SMOC2: variants seen among roughly 807,000 people sequenced by gnomAD.
SMOC2 encodes the protein SPARC related modular calcium binding 2.
A neutral mutation model predicts 61.4 loss-of-function variants in SMOC2; 39 were observed. The ratio of observed to expected loss-of-function variants is 0.64; its 90% CI spans 0.49 to 0.83. The LOEUF is 0.83. SMOC2 is among the 40% of genes least tolerant of loss of function. The probability of loss-of-function intolerance (pLI) is 0.00; values close to 1 mark genes in which losing one functional copy is unlikely to be tolerated. For missense variants in SMOC2, 556 were observed against 592.9 expected (o/e 0.94, Z 0.65); for synonymous variants, 247 against 239.9 (o/e 1.03, Z -0.27).
intron 11 of SMOC2, among the ~76,000 whole-genome samples, chr6:168,656,260 C>T (rs546498394): frequency 1.3e-5 from 2 of 152,182 alleles, no homozygotes; most frequent in East Asian, 1.9e-4. Context: ...CCTGTAATCC[C>T]AGCACTTTGG....
At chr6:168,514,784 C>T (rs1032492964) in intron 2 of SMOC2, among the ~76,000 whole-genome samples, 4 of 152,182 alleles carry the variant, frequency 2.6e-5, no homozygotes, top group South Asian at 2.1e-4. Context: ...TAACTCCAGT[C>T]GGATGTGCCA....
At position 168,583,991 on chromosome 6, in the gene SMOC2, T is replaced by C. The variant is rs148216554; in HGVS notation, c.638-14827T>C. On this transcript the variant is annotated intron_variant, in intron 7 of 12. Transcript: ENST00000356284. ...TTCCAGGCTGTGGTTGCAACAGTAATTGGGACTTGGCAGAGGCCATCGGAG... is the reference window on the plus strand; with the variant it reads ...TTCCAGGCTGTGGTTGCAACAGTAACTGGGACTTGGCAGAGGCCATCGGAG... 1.9e-3 allele frequency among the ~76,000 whole-genome samples: 288 copies of C among 152,256 alleles called. 4 individuals are homozygous for C. Among genetic ancestry groups the C allele is most frequent in the African/African-American group, 6.5e-3 (270 of 41,552 alleles).
At chr6:168,514,712 G>A (rs1432383587) in intron 2 of SMOC2, among the ~76,000 whole-genome samples, 1 of 152,138 alleles carries the variant, frequency 6.6e-6, no homozygotes, top group Non-Finnish European at 1.5e-5. Flanking sequence ...GAAGTGGGGA[G>A]GTCACAGCAC....
intron 9 of SMOC2, among the ~76,000 whole-genome samples, chr6:168,615,879 G>C (rs1343035091): frequency 6.8e-6 from 1 of 146,140 alleles, no homozygotes; most frequent in East Asian, 2.0e-4. Context: ...CACGATTTTA[G>C]CACTATTCTA....
At chr6:168,664,266 T>TG in intron 12 of SMOC2, 155 bp downstream of exon 12, 1 of 705,548 alleles carries the variant, frequency 1.4e-6, no homozygotes, top group Non-Finnish European at 2.5e-6. Context: ...CTACACCCTA[T>TG]GGGGACTAAA....
chr6:168,508,797 A>G (rs567449931), intron 1 of SMOC2, among the ~76,000 whole-genome samples: 2 of 152,336 alleles, frequency 1.3e-5, no homozygotes, highest in South Asian at 4.1e-4. Context: ...CGTGCACACC[A>G]CGTCCAGAGG....
intron 1 of SMOC2, among the ~76,000 whole-genome samples, chr6:168,450,673 C>G (rs1000172262): frequency 2.0e-5 from 3 of 152,166 alleles, no homozygotes; most frequent in African/African-American, 7.2e-5. Flanking sequence ...GGCCCTGACA[C>G]TTTCAGTTCC....
intron 2 of SMOC2, among the ~76,000 whole-genome samples, chr6:168,515,131 T>G (rs1783099902): frequency 6.6e-6 from 1 of 152,248 alleles, no homozygotes; most frequent in Non-Finnish European, 1.5e-5. Flanking sequence ...CAATAGGAAT[T>G]CTCATTTATG....
At chr6:168,518,962 C>A (rs368340015) in intron 2 of SMOC2, among the ~76,000 whole-genome samples, 1 of 136,102 alleles carries the variant, frequency 7.3e-6, no homozygotes, top group African/African-American at 2.8e-5. Context: ...AGTGTGTATC[C>A]GTGCACGCGT....
rs768496045 is a variant in SMOC2 at position 168,666,718 on chromosome 6, C to T, written c.*280C>T. On this transcript the variant is annotated 3_prime_UTR_variant, in exon 13 of 13. Transcript: ENST00000356284. The stretch of plus-strand genomic sequence containing the variant: ...TGAATGCATTTAGGCTTAATTTCTT[C>T]GCCTTCCACATGTTAACAGTAGAGC... The T allele has an allele frequency of 6.9e-5, 33 of 475,174 alleles. No homozygotes were observed. The highest frequency in any genetic ancestry group is 9.9e-5 in the Non-Finnish European group (26 of 261,984). The allele number at this position is 475,174 out of a possible 1,614,324, so 29.4% of individuals were successfully genotyped here. A position where few individuals can be genotyped will look rare whatever the true frequency, so the allele number is the denominator to read the frequency against.
At chr6:168,568,161 T>C (rs913962953) in intron 7 of SMOC2, among the ~76,000 whole-genome samples, 1 of 151,910 alleles carries the variant, frequency 6.6e-6, no homozygotes, top group Non-Finnish European at 1.5e-5. Context: ...GTGTCTCATA[T>C]TAGAATTTAG....
At chr6:168,465,468 GA>G (rs71935592) in intron 1 of SMOC2, among the ~76,000 whole-genome samples, 7,351 of 137,014 alleles carry the variant, frequency 0.054, 604 homozygotes, top group African/African-American at 0.18. Flanking sequence ...AGATCAGCCG[GA>G]AAAAAAAAAA....
intron 2 of SMOC2, among the ~76,000 whole-genome samples, chr6:168,525,089 A>ACAT (rs1326899664): frequency 6.6e-6 from 1 of 152,268 alleles, no homozygotes; most frequent in Non-Finnish European, 1.5e-5. Context: ...AGATGCAGGC[A>ACAT]CTTGTGATTG....
At chr6:168,519,236 C>T (rs1456326534) in intron 2 of SMOC2, among the ~76,000 whole-genome samples, 1 of 149,600 alleles carries the variant, frequency 6.7e-6, no homozygotes, top group Non-Finnish European at 1.5e-5. Context: ...TGTATACGTG[C>T]ATGTTTGTGT....
Position 168,441,284 on chromosome 6 carries a change from C to A in SMOC2, c.-87C>A. The stretch of plus-strand genomic sequence containing the variant: ...GGAGCCGCCCCTCCACGCGCCCGCC[C>A]AGCCGCGCTCGCCCACTGGGCTCTC... On this transcript the variant is annotated 5_prime_UTR_variant, in exon 1 of 13. Transcript: ENST00000356284. 2.8e-6 allele frequency: 4 copies of A among 1,415,132 alleles called. No individual in the cohort carries two copies. The highest frequency in any genetic ancestry group is 3.7e-6 in the Non-Finnish European group (4 of 1,095,216). The allele number at this position is 1,415,132 out of a possible 1,614,324, so 87.7% of individuals were successfully genotyped here.
chr6:168,581,405 A>G (rs766508236), intron 7 of SMOC2, among the ~76,000 whole-genome samples: 2 of 152,166 alleles, frequency 1.3e-5, no homozygotes, highest in Non-Finnish European at 2.9e-5. Flanking sequence ...AGACAAGAGG[A>G]CGAAGGAGCT....
At chr6:168,626,391 G>A (rs1487845578) in intron 9 of SMOC2, among the ~76,000 whole-genome samples, 1 of 152,202 alleles carries the variant, frequency 6.6e-6, no homozygotes, top group Non-Finnish European at 1.5e-5. Context: ...GATTTCTGCA[G>A]GCACAGCTCG....
intron 7 of SMOC2, among the ~76,000 whole-genome samples, chr6:168,549,987 A>G (rs1223097911): frequency 6.6e-6 from 1 of 152,210 alleles, no homozygotes; most frequent in African/African-American, 2.4e-5. Context: ...TTCACCTTTT[A>G]AAGCTGACTA....
chr6:168,602,653 A>T (rs1206674647), intron 8 of SMOC2, among the ~76,000 whole-genome samples: 4 of 152,102 alleles, frequency 2.6e-5, no homozygotes, highest in African/African-American at 9.7e-5. Context: ...GTCTGTGGCT[A>T]AGACAGTCTT....
Sources: gnomAD v4.1 joint callset for allele counts (sites outside exome capture counted in the v4.1 genomes callset) on GRCh38, gnomAD v4.1.1 for gene constraint, MANE v1.5 for transcripts, NCBI Gene and HGNC (gene_info 2026-07-23, HGNC 2026-07-21) for gene names.